Variants in PCCA observed in about 807,000 individuals in gnomAD.
PCCA encodes the protein propionyl-CoA carboxylase alpha chain, mitochondrial.
In PCCA, 74 loss-of-function variants were observed where a neutral mutation model predicts 101.3. That is an observed-to-expected ratio of 0.73 (90% CI 0.61 to 0.89). The LOEUF (loss-of-function observed/expected upper bound fraction) is 0.89, where lower values mean the gene tolerates loss of function less well. Among genes scored for constraint, PCCA ranks in the 40% least tolerant of loss-of-function variants. The pLI is 0.00. For synonymous variants in PCCA, 294 were observed against 313.6 expected, an observed-to-expected ratio of 0.94 and a Z score of 0.66; for missense variants, 891 against 907.0, an observed-to-expected ratio of 0.98 and a Z score of 0.23.
chr13:100,398,715 C>T (rs1190151944), intron 19 of PCCA, among the ~76,000 whole-genome samples: 2 of 152,082 alleles, frequency 1.3e-5, no homozygotes, highest in Non-Finnish European at 1.5e-5. Context: ...TAAGTAATGA[C>T]ACTAGATAGA....
intron 19 of PCCA, among the ~76,000 whole-genome samples, chr13:100,379,974 A>T (rs912961679): frequency 2.0e-5 from 3 of 152,148 alleles, no homozygotes; most frequent in African/African-American, 7.2e-5. Flanking sequence ...TGACAAGCTG[A>T]TCCTAAAATT....
At chr13:100,152,918 T>C (rs993192495) in intron 4 of PCCA, among the ~76,000 whole-genome samples, 1 of 152,236 alleles carries the variant, frequency 6.6e-6, no homozygotes, top group African/African-American at 2.4e-5. Context: ...TTTTTACTTT[T>C]GAATGCATGT....
rs560134689 is a variant in PCCA at position 100,446,912 on chromosome 13, C to T, written c.1846-2340C>T. Among the ~76,000 whole-genome samples the T allele has an allele frequency of 3.9e-5, 6 of 152,212 alleles. No individual in the cohort carries two copies. The East Asian group carries it at 1.2e-3, about 29-fold the overall frequency. ...TTAGAAATAAACTGTAAGCGTTTTT[C>T]ATATCTTGAAACTTTTTAAATGGCA... On this transcript the variant is annotated intron_variant, in intron 20 of 23. Transcript: ENST00000376285.
At chr13:100,102,161 A>G (rs1388433405) in intron 1 of PCCA, among the ~76,000 whole-genome samples, 2 of 148,642 alleles carry the variant, frequency 1.3e-5, no homozygotes, top group Non-Finnish European at 3.0e-5. Flanking sequence ...CTCTCTTTTC[A>G]GTGGGGTCTT....
rs190201060 is a variant in PCCA at position 100,440,632 on chromosome 13, T to C, written c.1846-8620T>C. Among the ~76,000 whole-genome samples, 11 of 152,216 alleles carry C rather than the reference T, an allele frequency of 7.2e-5. 1 individual carries two copies. The highest frequency in any genetic ancestry group is 2.4e-4 in the African/African-American group (10 of 41,552). ...AATGAATTGGGAAGTAATTGTCTTA[T>C]GTTTTCAGTCCTAAAGTGTTTTACA... On this transcript the variant is annotated intron_variant, in intron 20 of 23. Transcript: ENST00000376285.
rs1555454058 is a variant in PCCA, at chr13:100,422,070, T to TCTTTCTTTCTTTCTTTC, written c.1747-3563_1747-3562insCTTTCTTTCTTTCTTTC. Among the ~76,000 whole-genome samples, 149 of 110,706 alleles carry TCTTTCTTTCTTTCTTTC rather than the reference T, an allele frequency of 1.3e-3. 3 individuals are homozygous for TCTTTCTTTCTTTCTTTC. The highest frequency in any genetic ancestry group is 4.9e-3 in the African/African-American group (142 of 28,822). 72.6% of individuals were successfully genotyped at this position (110,706 alleles called of 152,430 possible). A position where few individuals can be genotyped will look rare whatever the true frequency, so the allele number is the denominator to read the frequency against. ...TCTTTTCCTTTTCTCTTCTCTTTTC[T>TCTTTCTTTCTTTCTTTC]TTTCTTTCTTTCTTTCTTTCTTTCT... On this transcript the variant is annotated intron_variant, in intron 19 of 23. Coordinates refer to ENST00000376285, the MANE Select transcript of PCCA (RefSeq NM_000282.4).
chr13:100,400,630 C>CTTTTTTTTTTTTTTTTTTTTTTTTTTTT lies in PCCA; in HGVS notation c.1747-24986_1747-24985insTTTTTTTTTTTTTTTTTTTTTTTTTTTT, dbSNP rs1281449669. On this transcript the variant is annotated intron_variant, in intron 19 of 23. Coordinates refer to ENST00000376285, the MANE Select transcript of PCCA (RefSeq NM_000282.4). ...TGATTGATCTTAGTTCTTTTTAGTT[C>CTTTTTTTTTTTTTTTTTTTTTTTTTTTT]TTTTTTTTTTTTTTTTTGAGAGTTT... 4.4e-5 allele frequency among the ~76,000 whole-genome samples: 4 copies of CTTTTTTTTTTTTTTTTTTTTTTTTTTTT among 90,974 alleles called. 1 individual carries two copies. The highest frequency in any genetic ancestry group is 2.1e-4 in the African/African-American group (4 of 18,648). The allele number at this position is 90,974 out of a possible 152,430, so 59.7% of individuals were successfully genotyped here. A position where few individuals can be genotyped will look rare whatever the true frequency, so the allele number is the denominator to read the frequency against.
At chr13:100,090,098 C>T (rs950194514) in intron 1 of PCCA, among the ~76,000 whole-genome samples, 1 of 152,148 alleles carries the variant, frequency 6.6e-6, no homozygotes, top group Non-Finnish European at 1.5e-5. Flanking sequence ...TGTTAAACTT[C>T]CTTTTAAAAA....
chr13:100,502,042 T>C (rs2085725265), intron 21 of PCCA, among the ~76,000 whole-genome samples: 1 of 152,176 alleles, frequency 6.6e-6, no homozygotes, highest in South Asian at 2.1e-4. Flanking sequence ...CTTCAGCCAG[T>C]GCCTCTTCTG....
At chr13:100,440,737 A>G (rs73560974) in intron 20 of PCCA, among the ~76,000 whole-genome samples, 1,909 of 152,056 alleles carry the variant, frequency 0.013, 46 homozygotes, top group African/African-American at 0.043. Context: ...TTTCTCTAGA[A>G]TCATTGCATG....
intron 21 of PCCA, among the ~76,000 whole-genome samples, chr13:100,469,347 G>C (rs1030728753): frequency 2.2e-4 from 34 of 152,216 alleles, no homozygotes; most frequent in African/African-American, 7.2e-4. Context: ...AAAGGGCTCA[G>C]GTTTAAGGGA....
At chr13:100,355,907 C>T (rs756339126) in intron 18 of PCCA, among the ~76,000 whole-genome samples, 3 of 152,080 alleles carry the variant, frequency 2.0e-5, no homozygotes, top group Non-Finnish European at 4.4e-5. Context: ...GTGGTACTGG[C>T]GTAAGCATAG....
intron 6 of PCCA, among the ~76,000 whole-genome samples, chr13:100,168,115 G>A (rs2055242545): frequency 6.6e-6 from 1 of 152,006 alleles, no homozygotes; most frequent in Non-Finnish European, 1.5e-5. Flanking sequence ...TTCAGCAGTT[G>A]AATCTCAACC....
chr13:100,505,314 G>C lies in PCCA; in HGVS notation c.1900-10113G>C, dbSNP rs117666952. Among the ~76,000 whole-genome samples, 33 of 152,234 alleles carry C rather than the reference G, an allele frequency of 2.2e-4. 1 individual carries two copies. The East Asian group carries it at 6.4e-3, about 29-fold the overall frequency. ...CAGATATGCTCGATAAATGGTTTTT[G>C]AATGAATTAACCAAACTGTTTCTCT... is the stretch of plus-strand genomic sequence containing the variant. On this transcript the variant is annotated intron_variant, in intron 21 of 23. Coordinates refer to ENST00000376285, the MANE Select transcript of PCCA (RefSeq NM_000282.4).
intron 19 of PCCA, among the ~76,000 whole-genome samples, chr13:100,378,252 C>T (rs994702018): frequency 2.0e-5 from 3 of 152,154 alleles, no homozygotes; most frequent in South Asian, 2.1e-4. Context: ...TTTGAAAATA[C>T]GATTCCATTC....
At chr13:100,151,612 G>GAAAAC (rs896736005) in intron 4 of PCCA, among the ~76,000 whole-genome samples, 1 of 150,724 alleles carries the variant, frequency 6.6e-6, no homozygotes, top group Non-Finnish European at 1.5e-5. Context: ...CAAACAAACA[G>GAAAAC]AAAACAAAAC....
At chr13:100,146,943 A>G (rs1476245777) in intron 4 of PCCA, among the ~76,000 whole-genome samples, 3 of 151,956 alleles carry the variant, frequency 2.0e-5, no homozygotes, top group African/African-American at 7.3e-5. Flanking sequence ...GAATGGTTAA[A>G]TAAGTTATGG....
At chr13:100,341,287 T>C (rs897470877) in intron 18 of PCCA, among the ~76,000 whole-genome samples, 7 of 152,084 alleles carry the variant, frequency 4.6e-5, no homozygotes, top group Non-Finnish European at 1.0e-4. Context: ...TAATATCTTC[T>C]TTCCCAAATT....
chr13:100,302,475 G>T (rs953302428), intron 13 of PCCA, among the ~76,000 whole-genome samples: 1 of 151,562 alleles, frequency 6.6e-6, no homozygotes, highest in Non-Finnish European at 1.5e-5. Flanking sequence ...ATCTAGTAGC[G>T]TGCAAAGTTT....
Sources: allele counts gnomAD v4.1 joint callset (sites outside exome capture counted in the v4.1 genomes callset), GRCh38; gene constraint gnomAD v4.1.1; transcripts MANE v1.5; gene names NCBI Gene and HGNC (gene_info 2026-07-23, HGNC 2026-07-21).